Variants in MVK observed in about 807,000 individuals in gnomAD.
The protein encoded by MVK is mevalonate kinase, also known as LH receptor mRNA-binding protein.
In MVK, 34 loss-of-function variants were observed where a neutral mutation model predicts 43.2. The ratio of observed to expected loss-of-function variants is 0.79; its 90% confidence interval spans 0.60 to 1.05. MVK has a LOEUF of 1.05. Among genes scored for constraint, MVK ranks in the 50% least tolerant of loss-of-function variants. The pLI is 0.00. For missense variants in MVK, 395 were observed against 504.0 expected (o/e 0.78, Z 2.07); for synonymous variants, 190 against 219.8 (o/e 0.86, Z 1.20).
chr12:109,582,814 AT>A (rs1885277703), intron 5 of MVK, among the ~76,000 whole-genome samples: 1 of 152,094 alleles, frequency 6.6e-6, no homozygotes, highest in South Asian at 2.1e-4. Flanking sequence ...CACTCACTTC[AT>A]CCCAGGCACG....
intron 5 of MVK, among the ~76,000 whole-genome samples, chr12:109,583,367 C>A (rs868197751): frequency 2.0e-5 from 3 of 151,892 alleles, no homozygotes; most frequent in South Asian, 4.2e-4. Flanking sequence ...TTTGTTCTTG[C>A]GATAGTTTAC....
At chr12:109,576,189 A>G in intron 3 of MVK, 44 bp downstream of exon 3, 2 of 1,612,866 alleles carry the variant, frequency 1.2e-6, no homozygotes, top group Non-Finnish European at 1.7e-6. Context: ...GAGCCTACAG[A>G]GAGGGCAGCT....
intron 10 of MVK, 139 bp from the exon 11 acceptor site, chr12:109,596,286 TG>T (rs1885908223): frequency 8.0e-7 from 1 of 1,249,510 alleles, no homozygotes; most frequent in African/African-American, 1.5e-5. Context: ...CAGGTAACCT[TG>T]GGCTTTATGG....
chr12:109,579,163 A>G (rs1485234754), intron 3 of MVK: 2 of 389,292 alleles, frequency 5.1e-6, no homozygotes, highest in South Asian at 1.9e-5. Flanking sequence ...TTTTTGAGAC[A>G]GGGTCTCACT....
At chr12:109,583,825 G>A (rs1014052962) in intron 5 of MVK, among the ~76,000 whole-genome samples, 2 of 152,226 alleles carry the variant, frequency 1.3e-5, no homozygotes, top group African/African-American at 4.8e-5. Flanking sequence ...TTTGAATACT[G>A]ATCGCTTTCT....
chr12:109,586,175 AT>A, intron 6 of MVK, 50 bp downstream of exon 6: 1 of 1,415,786 alleles, frequency 7.1e-7, no homozygotes. Flanking sequence ...AAAAATTCTT[AT>A]TACAATGGTA....
At chr12:109,573,296 C>T, upstream of MVK, 3 of 1,611,398 alleles carry the variant, frequency 1.9e-6, no homozygotes, top group Non-Finnish European at 2.5e-6. Context: ...ATGGCGACGA[C>T]ACCACGATTC....
chr12:109,589,570 T>G (rs1350049594), intron 7 of MVK: 1 of 151,884 alleles, frequency 6.6e-6, no homozygotes, highest in Non-Finnish European at 1.5e-5. Flanking sequence ...AAATAGAATG[T>G]TCATCTTTTG....
chr12:109,577,007 T>C (rs1884987266), intron 3 of MVK, among the ~76,000 whole-genome samples: 1 of 152,218 alleles, frequency 6.6e-6, no homozygotes, highest in Non-Finnish European at 1.5e-5. Flanking sequence ...CAGTAATGAC[T>C]CTAAGCATTT....
intron 5 of MVK, among the ~76,000 whole-genome samples, chr12:109,582,108 C>T (rs1593018237): frequency 6.6e-6 from 1 of 152,200 alleles, no homozygotes; most frequent in Non-Finnish European, 1.5e-5. Flanking sequence ...CTATTGACCA[C>T]GTGAGTCAGT....
intron 1 of MVK, 143 bp from the exon 2 acceptor site, chr12:109,574,666 T>A: frequency 1.4e-6 from 1 of 724,904 alleles, no homozygotes; most frequent in East Asian, 2.7e-5. Context: ...ACTCCTGCAT[T>A]GCCTTTCTGG....
At chr12:109,576,223 C>A in intron 3 of MVK, 78 bp downstream of exon 3, 1 of 1,586,316 alleles carries the variant, frequency 6.3e-7, no homozygotes, top group East Asian at 2.3e-5. Flanking sequence ...GGGCTGTCCC[C>A]AAGGGAGCCA....
chr12:109,582,195 G>C (rs11067330), intron 5 of MVK, among the ~76,000 whole-genome samples: 3 of 152,226 alleles, frequency 2.0e-5, no homozygotes, highest in Admixed American at 2.0e-4. Context: ...CACCCAGTGC[G>C]CAGAGGTTAC....
chr12:109,581,209 T>C lies in MVK; in HGVS notation c.372-186T>C, dbSNP rs1050377968. The stretch of plus-strand genomic sequence containing the variant: ...ATTTAAATGAACTTGATACCTGTTT[T>C]CTAGTTGTCTGATTCAGCATGAGTT... On this transcript the variant is annotated intron_variant, in intron 4 of 10. Coordinates refer to ENST00000228510, the MANE Select transcript of MVK (RefSeq NM_000431.4). Among the ~76,000 whole-genome samples, 5 of 152,170 alleles carry C rather than the reference T, an allele frequency of 3.3e-5. No individual in the cohort carries two copies. In the South Asian group the frequency reaches 1.0e-3, roughly 32 times the overall value.
At position 109,591,203 on chromosome 12, in the gene MVK, C is replaced by T. The variant is rs35191208; in HGVS notation, c.769-38C>T. ...GGCAGCTGTCCTGCATCTGCCTGCCCCCAGGCCTCACCAGCCGTTCCTTCT... is the reference window on the plus strand; with the variant it reads ...GGCAGCTGTCCTGCATCTGCCTGCCTCCAGGCCTCACCAGCCGTTCCTTCT... On this transcript the variant is annotated intron_variant, in intron 8 of 10. Transcript: ENST00000228510. 272,995 of 1,595,588 alleles carry T rather than the reference C, an allele frequency of 0.17. 23,953 individuals carry two copies. The highest frequency in any genetic ancestry group is 0.2 in the Middle Eastern group (1,174 of 5,832).
In MVK at chr12:109,595,321, C is replaced by A; in HGVS notation, c.1039+140C>A. 9.7e-7 allele frequency: 1 copy of A among 1,027,486 alleles called. No homozygotes were observed. Among genetic ancestry groups the A allele is most frequent in the Non-Finnish European group, 1.4e-6 (1 of 718,422 alleles). 63.6% of individuals were successfully genotyped at this position (1,027,486 alleles called of 1,614,324 possible). ...TGGCCTTGGGCAAGTTAGTTAACCT[C>A]TGGTCTTTGCTTCCTCATTGGTAAA... On this transcript the variant is annotated intron_variant, in intron 10 of 10. Coordinates refer to ENST00000228510, the MANE Select transcript of MVK (RefSeq NM_000431.4). The surrounding 1 kb of genome is among the most constrained non-coding windows in gnomAD (Gnocchi z 5.9).
Position 109,596,421 on chromosome 12 carries a change from C to T in MVK, c.1040-5C>T, listed in dbSNP as rs150276185. On this transcript the variant is annotated splice_region_variant and splice_polypyrimidine_tract_variant and intron_variant, in intron 10 of 10. Coordinates refer to ENST00000228510, the MANE Select transcript of MVK (RefSeq NM_000431.4). ...TCAAGGGTGACCTGCCTTCCCTCCC[C>T]GCAGGGCTGGAGCAGCCAGAAGTGG... 148 of 1,612,900 alleles carry T rather than the reference C, an allele frequency of 9.2e-5. No homozygotes were observed. In the African/African-American group the frequency reaches 1.4e-3, roughly 15 times the overall value.
intron 3 of MVK, among the ~76,000 whole-genome samples, chr12:109,577,889 T>A (rs944656732): frequency 1.3e-5 from 2 of 152,174 alleles, no homozygotes; most frequent in Non-Finnish European, 2.9e-5. Context: ...CTTTCCAAGG[T>A]GCACAGGGCC....
At chr12:109,576,854 G>A (rs564874424) in intron 3 of MVK, among the ~76,000 whole-genome samples, 18 of 149,094 alleles carry the variant, frequency 1.2e-4, no homozygotes, top group African/African-American at 3.7e-4. Context: ...CTGGGGGACA[G>A]GGCAAGACTC....
Sources: gnomAD v4.1 joint callset for allele counts (sites outside exome capture counted in the v4.1 genomes callset) on GRCh38, gnomAD v4.1.1 for gene constraint, Gnocchi (gnomAD v3.1) non-coding constraint, MANE v1.5 for transcripts, NCBI Gene and HGNC (gene_info 2026-07-23, HGNC 2026-07-21) for gene names.